Variants in TRPM4 observed in about 807,000 individuals in gnomAD.
The protein encoded by TRPM4 is transient receptor potential cation channel subfamily M member 4.
TRPM4 carries 124 observed loss-of-function variants against 135.6 expected under a neutral mutation model. The observed-to-expected ratio is 0.91, with a 90% confidence interval of 0.79 to 1.06. The LOEUF is 1.06. TRPM4 is among the 50% of genes least tolerant of loss of function. The probability of loss-of-function intolerance (pLI) is 0.00; values close to 1 mark genes in which losing one functional copy is unlikely to be tolerated. For missense variants in TRPM4, 1,658 were observed against 1,671.4 expected (o/e 0.99, Z 0.14); for synonymous variants, 745 against 705.6 (o/e 1.06, Z -0.88).
At chr19:49,162,397 G>C (rs1233132956) in intron 2 of TRPM4, among the ~76,000 whole-genome samples, 2 of 152,028 alleles carry the variant, frequency 1.3e-5, no homozygotes, top group Non-Finnish European at 2.9e-5. Flanking sequence ...AAACTAGCCA[G>C]GTACTGTGGC....
At position 49,200,224 on chromosome 19, in the gene TRPM4, G is replaced by T; in HGVS notation, c.2646-76G>T. The T allele has an allele frequency of 3.1e-6, 5 of 1,610,652 alleles. No homozygotes were observed. In the South Asian group the frequency reaches 5.5e-5, roughly 18 times the overall value. On this transcript the variant is annotated intron_variant, in intron 17 of 24. Transcript: ENST00000252826. ...GTGGAGGCTGCAGCTTCCTCTGAAG[G>T]ATGGCATTGGGAAGACTTCCATTTT... is the stretch of plus-strand genomic sequence containing the variant.
At chr19:49,203,235 A>T (rs905395009) in intron 20 of TRPM4, among the ~76,000 whole-genome samples, 2 of 151,008 alleles carry the variant, frequency 1.3e-5, no homozygotes, top group African/African-American at 4.9e-5. Flanking sequence ...GCTGGAGTGC[A>T]ATGGTGCAAT....
chr19:49,183,240 C>T, intron 12 of TRPM4, 28 bp downstream of exon 12: 4 of 1,613,806 alleles, frequency 2.5e-6, no homozygotes, highest in Non-Finnish European at 3.4e-6. Flanking sequence ...GCTCCTGCAT[C>T]CCTGTCCTTT....
intron 9 of TRPM4, among the ~76,000 whole-genome samples, chr19:49,176,649 C>T (rs933647187): frequency 1.3e-5 from 2 of 152,094 alleles, no homozygotes; most frequent in Non-Finnish European, 1.5e-5. Flanking sequence ...GTCAGGAGTT[C>T]GAGATCAGCC....
chr19:49,208,986 T>C (rs1191565009), intron 20 of TRPM4, among the ~76,000 whole-genome samples: 1 of 151,914 alleles, frequency 6.6e-6, no homozygotes, highest in African/African-American at 2.4e-5. Flanking sequence ...CGTGAAGTGT[T>C]GTTGAATTTT....
chr19:49,200,260 T>C (rs1216086752), intron 17 of TRPM4, 40 bp from the exon 18 acceptor site: 4 of 1,614,134 alleles, frequency 2.5e-6, no homozygotes, highest in Admixed American at 1.7e-5. Flanking sequence ...CCTTGGCGTC[T>C]TGTGACACTT....
At chr19:49,173,205 T>G (rs1441344917) in intron 9 of TRPM4, among the ~76,000 whole-genome samples, 2 of 150,732 alleles carry the variant, frequency 1.3e-5, no homozygotes, top group East Asian at 2.0e-4. Context: ...CATCTGCACA[T>G]CCACTGAAAA....
chr19:49,184,734 C>T lies in TRPM4; in HGVS notation c.1743+1522C>T, dbSNP rs1231287873. Reference sequence around the variant, plus strand: ...GACCTCGTGATCTGCCCTCCTCGGCCTCCCAAAGTGCTGGGATTACAGGCG... The same window carrying T: ...GACCTCGTGATCTGCCCTCCTCGGCTTCCCAAAGTGCTGGGATTACAGGCG... On this transcript the variant is annotated intron_variant, in intron 12 of 24. Coordinates refer to ENST00000252826, the MANE Select transcript of TRPM4 (RefSeq NM_017636.4). Among the ~76,000 whole-genome samples, 4 of 151,550 alleles carry T rather than the reference C, an allele frequency of 2.6e-5. No individual in the cohort carries two copies. The East Asian group carries it at 7.7e-4, about 29-fold the overall frequency.
At position 49,190,216 on chromosome 19, in the gene TRPM4, G is replaced by A; in HGVS notation, c.2028G>A (p.Leu676=). The A allele has an allele frequency of 2.5e-6, 4 of 1,613,880 alleles. No homozygotes were observed. Among genetic ancestry groups the A allele is most frequent in the Non-Finnish European group, 3.4e-6 (4 of 1,179,750 alleles). The change falls in exon 15 of 25, where the codon CTG becomes CTA. Residue 676 remains leucine (L), a synonymous_variant. Coordinates refer to ENST00000252826, the MANE Select transcript of TRPM4 (RefSeq NM_017636.4). ...FFAQDGVQSL[L]TQKWWGDMAS... ...CTTCCCACCCCCCACAGTCTCTGCTGACACAGAAGTGGTGGGGAGATATGG... is the reference window on the plus strand; with the variant it reads ...CTTCCCACCCCCCACAGTCTCTGCTAACACAGAAGTGGTGGGGAGATATGG...
chr19:49,211,219 C>T lies in TRPM4; in HGVS notation c.3590C>T (p.Ala1197Val). ...GTGGCCGAGGCCCTGAGCCGCTCTG[C>T]CTTGCTGCCCCCAGGTGGGCCGCCA... ...GWVAEALSRS[A>V]LLPPGGPPPP... The change falls in exon 24 of 25, where the codon GCC (alanine) becomes GTC (valine). Residue 1197 changes from alanine (A) to valine (V), a missense_variant. Transcript: ENST00000252826. This position sits in a 1 kb window ranked among gnomAD's most constrained non-coding sequence, Gnocchi z 4.8. The T allele has an allele frequency of 6.3e-7, 1 of 1,597,680 alleles. No individual in the cohort carries two copies. Among genetic ancestry groups the T allele is most frequent in the Non-Finnish European group, 8.5e-7 (1 of 1,172,762 alleles).
At chr19:49,165,375 CCT>C (rs1005954916) in intron 2 of TRPM4, among the ~76,000 whole-genome samples, 6 of 152,164 alleles carry the variant, frequency 3.9e-5, no homozygotes. Flanking sequence ...CCCGGCTGAG[CCT>C]CTCTCCTTGA....
chr19:49,181,551 T>TTTG, intron 10 of TRPM4, 90 bp downstream of exon 10: 1 of 831,450 alleles, frequency 1.2e-6, no homozygotes, highest in Non-Finnish European at 1.8e-6. Flanking sequence ...TTTTTTTTTT[T>TTTG]GACGGAGTCT....
intron 10 of TRPM4, among the ~76,000 whole-genome samples, chr19:49,182,235 TCTATC>T (rs1386075190): frequency 8.0e-6 from 1 of 125,442 alleles, no homozygotes; most frequent in African/African-American, 3.3e-5. Context: ...CATCCATCCA[TCTATC>T]CATCCATCCA....
intron 2 of TRPM4, among the ~76,000 whole-genome samples, chr19:49,165,699 T>C (rs1967143206): frequency 6.6e-6 from 1 of 152,172 alleles, no homozygotes; most frequent in African/African-American, 2.4e-5. Context: ...CTTTCTCGTG[T>C]TGAACGTCAT....
At chr19:49,180,368 T>C (rs1967866946) in intron 9 of TRPM4, among the ~76,000 whole-genome samples, 1 of 151,804 alleles carries the variant, frequency 6.6e-6, no homozygotes, top group Non-Finnish European at 1.5e-5. Context: ...GTCACCTCTT[T>C]CCCTTCACAA....
At chr19:49,207,637 A>G (rs960534782) in intron 20 of TRPM4, among the ~76,000 whole-genome samples, 1 of 70,076 alleles carries the variant, frequency 1.4e-5, no homozygotes, top group Non-Finnish European at 2.6e-5. Context: ...ACCTTGTCTC[A>G]AAAAAAAAAA....
At chr19:49,209,319 G>T (rs1209750185) in intron 20 of TRPM4, among the ~76,000 whole-genome samples, 1 of 152,080 alleles carries the variant, frequency 6.6e-6, no homozygotes, top group East Asian at 1.9e-4. Flanking sequence ...CAATCTTTTG[G>T]ACGAATTTGA....
chr19:49,202,907 G>A (rs2145975295), intron 20 of TRPM4, among the ~76,000 whole-genome samples: 1 of 132,988 alleles, frequency 7.5e-6, no homozygotes, highest in South Asian at 2.3e-4. Flanking sequence ...TTTTTTGACG[G>A]AGTCTCGCTG....
Position 49,171,931 on chromosome 19 carries a change from C to T in TRPM4, c.1051-78C>T. On this transcript the variant is annotated intron_variant, in intron 8 of 24. Coordinates refer to ENST00000252826, the MANE Select transcript of TRPM4 (RefSeq NM_017636.4). This position sits in a 1 kb window ranked among gnomAD's most constrained non-coding sequence, Gnocchi z 4.7. ...ATTAGGTCCTGGAGGGGAATGGCCT[C>T]CTCCATCCCTTTGGACAGGGCCCAA... 1.4e-6 allele frequency: 2 copies of T among 1,413,972 alleles called. No homozygotes were observed. The highest frequency in any genetic ancestry group is 2.3e-5 in the South Asian group (2 of 86,880). The allele number at this position is 1,413,972 out of a possible 1,614,324, so 87.6% of individuals were successfully genotyped here.
Sources: allele counts gnomAD v4.1 joint callset (sites outside exome capture counted in the v4.1 genomes callset), GRCh38; gene constraint gnomAD v4.1.1; non-coding constraint Gnocchi (gnomAD v3.1); transcripts MANE v1.5; gene names NCBI Gene and HGNC (gene_info 2026-07-23, HGNC 2026-07-21).